SNTG1: variants seen among roughly 807,000 people sequenced by gnomAD.
SNTG1 encodes the protein syntrophin gamma 1, also known as gamma-1-syntrophin.
Under a neutral mutation model 74.7 loss-of-function variants are expected in SNTG1, and 39 were observed. The observed-to-expected ratio is 0.52, with a 90% CI of 0.40 to 0.68. The LOEUF (loss-of-function observed/expected upper bound fraction) is 0.68. Ranked by LOEUF, SNTG1 falls within the 30% of genes least tolerant of loss-of-function variation. The pLI is 0.00. For missense variants in SNTG1, 685 were observed against 609.5 expected (o/e 1.12, Z -1.30); for synonymous variants, 254 against 217.1 (o/e 1.17, Z -1.49).
chr8:50,311,684 T>C (rs1309125325), intron 2 of SNTG1, among the ~76,000 whole-genome samples: 2 of 152,240 alleles, frequency 1.3e-5, no homozygotes, highest in Non-Finnish European at 2.9e-5. Context: ...TCTCTTTATA[T>C]GTATATTTCT....
chr8:50,561,191 C>A (rs1337828752), intron 12 of SNTG1, among the ~76,000 whole-genome samples: 1 of 152,026 alleles, frequency 6.6e-6, no homozygotes, highest in African/African-American at 2.4e-5. Flanking sequence ...AAGTGTGTGG[C>A]AGTTCCCCCT....
intron 2 of SNTG1, among the ~76,000 whole-genome samples, chr8:50,213,923 C>A (rs1377078149): frequency 6.6e-6 from 1 of 151,768 alleles, no homozygotes; most frequent in East Asian, 1.9e-4. Flanking sequence ...TGCAGAAGCT[C>A]TTTAGTTTAA....
intron 18 of SNTG1, among the ~76,000 whole-genome samples, chr8:50,755,998 G>C (rs2095579477): frequency 1.4e-5 from 2 of 143,512 alleles, no homozygotes; most frequent in African/African-American, 5.1e-5. Context: ...TATCTGTTAA[G>C]GTTTCTGGCC....
chr8:50,620,945 G>A (rs962450489), intron 13 of SNTG1, among the ~76,000 whole-genome samples: 4 of 152,140 alleles, frequency 2.6e-5, no homozygotes, highest in Non-Finnish European at 5.9e-5. Context: ...TGGTGAGCTT[G>A]GAGACATAGG....
At chr8:50,787,987 GT>G (rs1431066830) in intron 18 of SNTG1, among the ~76,000 whole-genome samples, 1 of 151,994 alleles carries the variant, frequency 6.6e-6, no homozygotes, top group African/African-American at 2.4e-5. Context: ...GAGTATTATA[GT>G]ATGTGAACTA....
chr8:50,104,786 G>T (rs971570604), intron 1 of SNTG1, among the ~76,000 whole-genome samples: 1 of 152,124 alleles, frequency 6.6e-6, no homozygotes, highest in African/African-American at 2.4e-5. Context: ...TGGTTTCAAA[G>T]AACATCTTTA....
chr8:50,235,859 C>T (rs1229628305), intron 2 of SNTG1, among the ~76,000 whole-genome samples: 1 of 151,188 alleles, frequency 6.6e-6, no homozygotes, highest in East Asian at 1.9e-4. Context: ...CAGTTTCTCA[C>T]AAAAACTTCA....
chr8:50,515,418 T>G, intron 9 of SNTG1, among the ~76,000 whole-genome samples: 1 of 75,998 alleles, frequency 1.3e-5, no homozygotes, highest in Non-Finnish European at 2.2e-5. Flanking sequence ...TTTTTTTTGT[T>G]ACTCCAGTGG....
chr8:50,586,920 T>C (rs1220642789), intron 12 of SNTG1, among the ~76,000 whole-genome samples: 1 of 151,970 alleles, frequency 6.6e-6, no homozygotes, highest in Non-Finnish European at 1.5e-5. Context: ...ATAATAATTA[T>C]AAAATACAAA....
chr8:50,483,777 T>C (rs2093760121), intron 8 of SNTG1, among the ~76,000 whole-genome samples: 1 of 152,216 alleles, frequency 6.6e-6, no homozygotes, highest in East Asian at 1.9e-4. Context: ...AAATCTAATG[T>C]GGGTGTGATA....
chr8:50,770,473 T>C (rs1327552076), intron 18 of SNTG1, among the ~76,000 whole-genome samples: 2 of 151,976 alleles, frequency 1.3e-5, no homozygotes, highest in South Asian at 2.1e-4. Context: ...CTAGAAAACA[T>C]GGTAGCTAGC....
intron 15 of SNTG1, among the ~76,000 whole-genome samples, chr8:50,686,582 T>C (rs1462015610): frequency 6.6e-6 from 1 of 152,136 alleles, no homozygotes; most frequent in Non-Finnish European, 1.5e-5. Flanking sequence ...AATATTTATT[T>C]GGTTTTAAAA....
chr8:49,942,763 A>G (rs1808814958), intron 1 of SNTG1, among the ~76,000 whole-genome samples: 1 of 152,186 alleles, frequency 6.6e-6, no homozygotes, highest in Non-Finnish European at 1.5e-5. Flanking sequence ...AAGACCACAG[A>G]GGTAAATTGC....
chr8:50,609,508 ATC>A (rs1262095587), intron 13 of SNTG1, among the ~76,000 whole-genome samples: 4 of 152,028 alleles, frequency 2.6e-5, no homozygotes, highest in Non-Finnish European at 5.9e-5. Context: ...CTAGCTGTAC[ATC>A]TCTTTGTGTT....
At chr8:49,970,085 T>C (rs1023279881) in intron 1 of SNTG1, among the ~76,000 whole-genome samples, 5 of 152,144 alleles carry the variant, frequency 3.3e-5, no homozygotes, top group South Asian at 2.1e-4. Flanking sequence ...GAGAATAGGA[T>C]TGGCGTAAAG....
intron 15 of SNTG1, among the ~76,000 whole-genome samples, chr8:50,670,162 A>G (rs2131338194): frequency 6.6e-6 from 1 of 152,292 alleles, no homozygotes; most frequent in East Asian, 1.9e-4. Context: ...CACCACTCCT[A>G]TTCAACATAG....
chr8:50,176,669 T>G (rs2131684351), intron 2 of SNTG1, among the ~76,000 whole-genome samples: 1 of 152,340 alleles, frequency 6.6e-6, no homozygotes, highest in South Asian at 2.1e-4. Flanking sequence ...TAGTTTCTCC[T>G]TGTGATCTCA....
At chr8:50,351,305 T>TA (rs1257949921) in intron 2 of SNTG1, among the ~76,000 whole-genome samples, 4 of 152,190 alleles carry the variant, frequency 2.6e-5, no homozygotes, top group Non-Finnish European at 5.9e-5. Context: ...GGTACTTTGA[T>TA]GGAACACTTC....
Position 50,219,233 on chromosome 8 carries a change from C to T in SNTG1, c.-28+46598C>T, listed in dbSNP as rs779290649. Among the ~76,000 whole-genome samples the T allele has an allele frequency of 3.3e-5, 5 of 152,108 alleles. No individual in the cohort carries two copies. In the East Asian group the frequency reaches 9.6e-4, roughly 29 times the overall value. ...TACTTCTAATGCCAAAAGACCTAAG[C>T]CCAGCATTAACTTTAAGAAGCTCCC... On this transcript the variant is annotated intron_variant, in intron 2 of 18. Coordinates refer to ENST00000642720, the MANE Select transcript of SNTG1 (RefSeq NM_018967.5).
Sources: allele counts gnomAD v4.1 joint callset (sites outside exome capture counted in the v4.1 genomes callset), GRCh38; gene constraint gnomAD v4.1.1; transcripts MANE v1.5; gene names NCBI Gene and HGNC (gene_info 2026-07-23, HGNC 2026-07-21).